ASB7: variants seen among roughly 807,000 people sequenced by gnomAD.
The protein encoded by ASB7 is ankyrin repeat and SOCS box protein 7.
Under a neutral mutation model 32.5 loss-of-function variants are expected in ASB7, and 4 were observed. That is an observed-to-expected ratio of 0.12 (90% CI 0.06 to 0.28). The LOEUF (loss-of-function observed/expected upper bound fraction) is 0.28. Among genes scored for constraint, ASB7 ranks in the 10% least tolerant of loss-of-function variants. The probability of loss-of-function intolerance (pLI) is 1.00; values close to 1 mark genes in which losing one functional copy is unlikely to be tolerated. For missense variants in ASB7, 181 were observed against 407.1 expected (o/e 0.44, Z 4.78); for synonymous variants, 172 against 155.6 (o/e 1.11, Z -0.78).
At position 100,648,486 on chromosome 15, in the gene ASB7, TAGG is replaced by T. The variant is rs746433010; in HGVS notation, c.*27_*29del. On this transcript the variant is annotated 3_prime_UTR_variant, in exon 6 of 6. Transcript: ENST00000332783. ...GATATGCCAGAACTGTGAGCAAGAT[TAGG>T]AGTTCTATTCTAGATACTTAAAAGG... 6.9e-5 allele frequency: 109 copies of T among 1,577,762 alleles called. 1 individual carries two copies. Among genetic ancestry groups the T allele is most frequent in the South Asian group, 3.9e-4 (34 of 88,000 alleles).
chr15:100,624,688 A>G (rs1378065394), intron 4 of ASB7, among the ~76,000 whole-genome samples: 1 of 152,222 alleles, frequency 6.6e-6, no homozygotes, highest in Admixed American at 6.5e-5. Flanking sequence ...CTGGCTTCTC[A>G]TTGAATTATT....
intron 5 of ASB7, among the ~76,000 whole-genome samples, chr15:100,636,074 T>A (rs189784210): frequency 6.6e-6 from 1 of 152,292 alleles, no homozygotes; most frequent in East Asian, 1.9e-4. Context: ...CTCAGACCAG[T>A]CAATTCACAG....
rs2141399690 is a variant in ASB7 at position 100,629,355 on chromosome 15, G to T, written c.212-82G>T. The T allele has an allele frequency of 1.6e-6, 2 of 1,239,792 alleles. No homozygotes were observed. The highest frequency in any genetic ancestry group is 2.3e-6 in the Non-Finnish European group (2 of 878,110). The allele number at this position is 1,239,792 out of a possible 1,614,324, so 76.8% of individuals were successfully genotyped here. A position where few individuals can be genotyped will look rare whatever the true frequency, so the allele number is the denominator to read the frequency against. On this transcript the variant is annotated intron_variant, in intron 4 of 5. Transcript: ENST00000332783. This position sits in a 1 kb window ranked among gnomAD's most constrained non-coding sequence, Gnocchi z 6.8. The stretch of plus-strand genomic sequence containing the variant: ...TTGCTTCACATTTTATATGAGAATT[G>T]GCCACAGTTTGCTGTGCCATGGTAA...
chr15:100,629,494 T>C lies in ASB7; in HGVS notation c.269T>C (p.Met90Thr). The change falls in exon 5 of 6, where the codon ATG becomes ACG. Residue 90 changes from methionine to threonine, a missense_variant. By Grantham distance (81) the Met-to-Thr change is moderately conservative (BLOSUM62 -1). Transcript: ENST00000332783. The surrounding 1 kb of genome is among the most constrained non-coding windows in gnomAD (Gnocchi z 6.8). ...TTCACGGCTCTTCACTATGCAGCCA[T>C]GCATGGCCGGGCCCGCATTGCACGC... Reference protein sequence around the residue: ...GGFTALHYAAMHGRARIARLM... With the variant: ...GGFTALHYAATHGRARIARLM... 2.5e-6 allele frequency: 4 copies of C among 1,614,126 alleles called. No homozygotes were observed. The highest frequency in any genetic ancestry group is 3.4e-6 in the Non-Finnish European group (4 of 1,179,928).
intron 4 of ASB7, among the ~76,000 whole-genome samples, chr15:100,620,749 T>C (rs1005417427): frequency 3.3e-5 from 5 of 152,240 alleles, no homozygotes; most frequent in African/African-American, 1.2e-4. Context: ...TTTCCAATTT[T>C]GAGTCTTCTA....
intron 4 of ASB7, among the ~76,000 whole-genome samples, chr15:100,628,008 G>A (rs1367712508): frequency 1.3e-5 from 2 of 152,174 alleles, no homozygotes; most frequent in East Asian, 1.9e-4. Context: ...AAAATGCTGT[G>A]TTAAAATGTT....
chr15:100,626,929 C>T (rs777813257), intron 4 of ASB7, among the ~76,000 whole-genome samples: 2 of 152,064 alleles, frequency 1.3e-5, no homozygotes, highest in Non-Finnish European at 2.9e-5. Flanking sequence ...GCCTGGGACC[C>T]AGAGTCTGGG....
At chr15:100,624,396 G>A (rs28875835) in intron 4 of ASB7, among the ~76,000 whole-genome samples, 45,344 of 152,052 alleles carry the variant, frequency 0.3, 6,936 homozygotes, top group Middle Eastern at 0.36. Context: ...TTCTGTGCAT[G>A]TAATAGATAC....
Position 100,649,591 on chromosome 15 carries a change from T to A in ASB7, c.*1129T>A, listed in dbSNP as rs1364218652. ...ATTTATAAGTCTGGCTAATTTCTAA[T>A]ATGCTAATTAAACATTTCCCATTTT... On this transcript the variant is annotated 3_prime_UTR_variant, in exon 6 of 6. Coordinates refer to ENST00000332783, the MANE Select transcript of ASB7 (RefSeq NM_198243.3). The A allele has an allele frequency of 2.0e-5, 3 of 152,226 alleles. No individual in the cohort carries two copies. Among genetic ancestry groups the A allele is most frequent in the African/African-American group, 7.2e-5 (3 of 41,466 alleles). The allele number at this position is 152,226 out of a possible 1,614,324, so 9.4% of individuals were successfully genotyped here.
intron 4 of ASB7, among the ~76,000 whole-genome samples, chr15:100,624,190 G>A (rs2039817781): frequency 6.6e-6 from 1 of 152,182 alleles, no homozygotes; most frequent in African/African-American, 2.4e-5. Context: ...AGAGAGGTTG[G>A]TTAATGGGTT....
chr15:100,619,441 G>A (rs1376394220), intron 4 of ASB7, among the ~76,000 whole-genome samples: 1 of 152,216 alleles, frequency 6.6e-6, no homozygotes, highest in Non-Finnish European at 1.5e-5. Context: ...TAAGCCCTAA[G>A]GCAAGAAGAG....
At chr15:100,645,505 T>G (rs898539270) in intron 5 of ASB7, 9 of 630,656 alleles carry the variant, frequency 1.4e-5, no homozygotes, top group Non-Finnish European at 2.7e-5. Flanking sequence ...TCTAGTCTGC[T>G]CTCAGAACTT....
intron 5 of ASB7, among the ~76,000 whole-genome samples, chr15:100,647,721 G>C (rs1198477531): frequency 6.6e-6 from 1 of 152,152 alleles, no homozygotes; most frequent in Non-Finnish European, 1.5e-5. Flanking sequence ...TTACAACCAA[G>C]GTTCTGCTGT....
At chr15:100,610,664 G>A (rs1596997938) in intron 3 of ASB7, among the ~76,000 whole-genome samples, 1 of 152,174 alleles carries the variant, frequency 6.6e-6, no homozygotes, top group African/African-American at 2.4e-5. Flanking sequence ...GTATTCTTAA[G>A]TTGTAATGAT....
Position 100,629,626 on chromosome 15 carries a change from G to T in ASB7, c.401G>T (p.Arg134Leu). The T allele has an allele frequency of 6.2e-7, 1 of 1,614,082 alleles. No individual in the cohort carries two copies. The highest frequency in any genetic ancestry group is 8.5e-7 in the Non-Finnish European group (1 of 1,180,020). The change falls in exon 5 of 6, where the codon CGG becomes CTG. Residue 134 changes from arginine (R) to leucine (L), a missense_variant. Physicochemically the swap from Arg to Leu is moderately radical, Grantham distance 102. Transcript: ENST00000332783. This position sits in a 1 kb window ranked among gnomAD's most constrained non-coding sequence, Gnocchi z 6.8. Reference protein sequence around the residue: ...AAHYGRDSFVRLLLEFKAEVD... With the variant: ...AAHYGRDSFVLLLLEFKAEVD... ...CACTACGGCAGGGACTCATTTGTCC[G>T]GCTCCTCCTGGAGTTCAAGGCTGAG...
At chr15:100,618,363 C>G (rs1047019165) in intron 4 of ASB7, among the ~76,000 whole-genome samples, 1 of 152,098 alleles carries the variant, frequency 6.6e-6, no homozygotes, top group Non-Finnish European at 1.5e-5. Context: ...GATCTGCCCA[C>G]CTCAGCCTCC....
In ASB7 at chr15:100,605,275, C is replaced by T. The variant is rs538592168; in HGVS notation, c.-174+1962C>T. On this transcript the variant is annotated intron_variant, in intron 2 of 5. Coordinates refer to ENST00000332783, the MANE Select transcript of ASB7 (RefSeq NM_198243.3). ...TTTAATTTGGGTATTTATTTACCAA[C>T]ATGGCTAGTTAGGTAGCTTACATTT... is the stretch of plus-strand genomic sequence containing the variant. Among the ~76,000 whole-genome samples, 5 of 152,326 alleles carry T rather than the reference C, an allele frequency of 3.3e-5. No individual in the cohort carries two copies. The South Asian group carries it at 1.0e-3, about 32-fold the overall frequency.
chr15:100,630,201 T>G, intron 5 of ASB7, 159 bp downstream of exon 5: 2 of 1,348,886 alleles, frequency 1.5e-6, no homozygotes, highest in Middle Eastern at 2.7e-4. Context: ...AAAAAAAACT[T>G]TGACTGTATC....
chr15:100,621,333 A>T (rs923384416), intron 4 of ASB7, among the ~76,000 whole-genome samples: 2 of 152,142 alleles, frequency 1.3e-5, no homozygotes, highest in Non-Finnish European at 2.9e-5. Context: ...ATGTAGTTTT[A>T]AAAAAAGCCT....
Sources: allele counts gnomAD v4.1 joint callset (sites outside exome capture counted in the v4.1 genomes callset), GRCh38; gene constraint gnomAD v4.1.1; non-coding constraint Gnocchi (gnomAD v3.1); transcripts MANE v1.5; gene names NCBI Gene and HGNC (gene_info 2026-07-23, HGNC 2026-07-21).